Variants in WWOX observed in about 807,000 individuals in gnomAD.
The protein encoded by WWOX is WW domain containing oxidoreductase, also known as WW domain-containing oxidoreductase.
WWOX carries 69 observed loss-of-function variants against 46.2 expected under a neutral mutation model. The observed-to-expected ratio is 1.49, with a 90% CI of 1.23 to 1.82. WWOX has a LOEUF of 1.82. Ranked by LOEUF, WWOX falls within the 40% of genes most tolerant of loss-of-function variation. The pLI, the probability that WWOX is intolerant of heterozygous loss-of-function variation, is 0.00. For missense variants in WWOX, 919 were observed against 542.6 expected, an observed-to-expected ratio of 1.69 and a Z score of -6.89; for synonymous variants, 359 against 202.6, an observed-to-expected ratio of 1.77 and a Z score of -6.56.
chr16:78,210,262 T>C (rs1212781763), intron 5 of WWOX, among the ~76,000 whole-genome samples: 1 of 152,198 alleles, frequency 6.6e-6, no homozygotes, highest in African/African-American at 2.4e-5. Flanking sequence ...AATTGTATAT[T>C]GAAGAGCTCT....
chr16:78,875,286 C>T (rs1221156115), intron 8 of WWOX, among the ~76,000 whole-genome samples: 1 of 152,164 alleles, frequency 6.6e-6, no homozygotes, highest in African/African-American at 2.4e-5. Context: ...TAATAGGTTT[C>T]TGTTAAAAAC....
chr16:79,022,243 A>G (rs1215390028), intron 8 of WWOX, among the ~76,000 whole-genome samples: 2 of 149,644 alleles, frequency 1.3e-5, no homozygotes, highest in African/African-American at 4.9e-5. Flanking sequence ...ATGGGCTGGG[A>G]TGACAAGTGC....
chr16:78,228,192 T>C (rs1597375498), intron 5 of WWOX, among the ~76,000 whole-genome samples: 1 of 152,066 alleles, frequency 6.6e-6, no homozygotes, highest in East Asian at 1.9e-4. Flanking sequence ...AAGAAGATTT[T>C]CCCAGAGTCC....
chr16:78,234,052 A>G (rs970668029), intron 5 of WWOX, among the ~76,000 whole-genome samples: 1 of 152,164 alleles, frequency 6.6e-6, no homozygotes, highest in African/African-American at 2.4e-5. Context: ...TCGTGGGACC[A>G]GCATTTTAAT....
At chr16:79,030,959 G>T (rs2047740613) in intron 8 of WWOX, among the ~76,000 whole-genome samples, 1 of 151,898 alleles carries the variant, frequency 6.6e-6, no homozygotes, top group South Asian at 2.1e-4. Flanking sequence ...GGGTATGGTG[G>T]CACATGCCTG....
At chr16:78,808,539 T>C (rs1124595) in intron 8 of WWOX, among the ~76,000 whole-genome samples, 31,195 of 152,124 alleles carry the variant, frequency 0.21, 3,395 homozygotes, top group South Asian at 0.29. Flanking sequence ...TCCGATGTCA[T>C]AGAAGGGTGT....
chr16:79,156,493 C>T (rs1467165631), intron 8 of WWOX, among the ~76,000 whole-genome samples: 1 of 152,166 alleles, frequency 6.6e-6, no homozygotes, highest in South Asian at 2.1e-4. Context: ...GAAAATATTA[C>T]ACAGGTGGGT....
At chr16:78,481,485 G>C (rs1239681781) in intron 8 of WWOX, among the ~76,000 whole-genome samples, 2 of 152,070 alleles carry the variant, frequency 1.3e-5, no homozygotes, top group Non-Finnish European at 1.5e-5. Context: ...GTTTTGATGG[G>C]AACTTTGCAG....
At chr16:78,548,240 C>A (rs544913910) in intron 8 of WWOX, among the ~76,000 whole-genome samples, 1 of 149,800 alleles carries the variant, frequency 6.7e-6, no homozygotes, top group Admixed American at 6.7e-5. Context: ...ATGATTTGAG[C>A]TAAGACTCTG....
At chr16:79,119,683 A>G (rs1419875971) in intron 8 of WWOX, among the ~76,000 whole-genome samples, 1 of 152,206 alleles carries the variant, frequency 6.6e-6, no homozygotes, top group Non-Finnish European at 1.5e-5. Flanking sequence ...AGCCGGGAGG[A>G]CAGTATGCTT....
chr16:78,406,390 G>A (rs2151946993), intron 6 of WWOX, among the ~76,000 whole-genome samples: 2 of 134,288 alleles, frequency 1.5e-5, no homozygotes, highest in South Asian at 4.8e-4. Context: ...GTCTTGCTCT[G>A]TCACCAGGCT....
intron 8 of WWOX, among the ~76,000 whole-genome samples, chr16:78,817,249 A>C (rs2051358549): frequency 7.5e-6 from 1 of 132,654 alleles, no homozygotes; most frequent in African/African-American, 2.9e-5. Flanking sequence ...AGCTTAGCCA[A>C]CTGCAGTTTC....
intron 5 of WWOX, among the ~76,000 whole-genome samples, chr16:78,306,332 C>T (rs1478169830): frequency 6.6e-6 from 1 of 152,108 alleles, no homozygotes; most frequent in Non-Finnish European, 1.5e-5. Context: ...CAGTGTGTTT[C>T]CATGGGTTGT....
chr16:79,212,007 G>C lies in WWOX; in HGVS notation c.*211G>C. On this transcript the variant is annotated 3_prime_UTR_variant, in exon 9 of 9. Transcript: ENST00000566780. ...GTATCACTTTTCTGGGGCTGGGCTA[G>C]GCATAGGTCTCTTTGCTTTCTGGTG... 3 of 1,536,146 alleles carry C rather than the reference G, an allele frequency of 2.0e-6. No individual in the cohort carries two copies. The highest frequency in any genetic ancestry group is 2.6e-6 in the Non-Finnish European group (3 of 1,146,910).
chr16:78,995,582 A>G (rs2046973660), intron 8 of WWOX, among the ~76,000 whole-genome samples: 1 of 152,120 alleles, frequency 6.6e-6, no homozygotes, highest in Non-Finnish European at 1.5e-5. Context: ...AAAGAAAAAG[A>G]AAAAGAAAGA....
At chr16:78,388,868 C>G (rs1331004697) in intron 6 of WWOX, among the ~76,000 whole-genome samples, 3 of 151,404 alleles carry the variant, frequency 2.0e-5, no homozygotes, top group African/African-American at 7.3e-5. Flanking sequence ...ACTTGGGAGG[C>G]TGAGGCAGGA....
intron 8 of WWOX, among the ~76,000 whole-genome samples, chr16:78,467,299 C>T (rs1454852689): frequency 2.0e-5 from 3 of 152,028 alleles, no homozygotes; most frequent in African/African-American, 7.2e-5. Flanking sequence ...GATGTATATA[C>T]CCATATACAC....
At chr16:78,220,457 C>T (rs937359195) in intron 5 of WWOX, among the ~76,000 whole-genome samples, 1 of 152,036 alleles carries the variant, frequency 6.6e-6, no homozygotes, top group East Asian at 1.9e-4. Flanking sequence ...TACTTAAAGG[C>T]TTTCTGACTA....
At chr16:78,784,618 T>C (rs1188969184) in intron 8 of WWOX, among the ~76,000 whole-genome samples, 1 of 152,092 alleles carries the variant, frequency 6.6e-6, no homozygotes, top group African/African-American at 2.4e-5. Flanking sequence ...AATGAGATAA[T>C]AGATATAAAG....
Sources: allele counts gnomAD v4.1 joint callset (sites outside exome capture counted in the v4.1 genomes callset), GRCh38; gene constraint gnomAD v4.1.1; transcripts MANE v1.5; gene names NCBI Gene and HGNC (gene_info 2026-07-23, HGNC 2026-07-21).